Variants in LMBR1 observed in about 807,000 individuals in gnomAD.
The protein encoded by LMBR1 is limb region 1 protein homolog.
Under a neutral mutation model 73.9 loss-of-function variants are expected in LMBR1, and 52 were observed. The ratio of observed to expected loss-of-function variants is 0.70; its 90% CI spans 0.56 to 0.89. The LOEUF (loss-of-function observed/expected upper bound fraction) is 0.89, where lower values mean the gene tolerates loss of function less well. LMBR1 is among the 40% of genes least tolerant of loss of function. LMBR1 has a pLI of 0.00. For missense variants in LMBR1, 539 were observed against 579.8 expected (o/e 0.93, Z 0.72); for synonymous variants, 215 against 209.4 (o/e 1.03, Z -0.23).
At chr7:156,768,659 C>T (rs1005610629) in intron 5 of LMBR1, among the ~76,000 whole-genome samples, 1 of 152,146 alleles carries the variant, frequency 6.6e-6, no homozygotes, top group African/African-American at 2.4e-5. Flanking sequence ...AGGTATCTGC[C>T]ACTTTTTCAC....
At chr7:156,789,754 C>G (rs1307164205) in intron 5 of LMBR1, among the ~76,000 whole-genome samples, 7 of 152,194 alleles carry the variant, frequency 4.6e-5, no homozygotes, top group African/African-American at 1.2e-4. Flanking sequence ...TCTAGTAGCA[C>G]TAAATCTGAC....
chr7:156,705,897 G>GA (rs1054247139), intron 15 of LMBR1, among the ~76,000 whole-genome samples: 1 of 151,900 alleles, frequency 6.6e-6, no homozygotes, highest in Admixed American at 6.6e-5. Flanking sequence ...AGAAAACAAT[G>GA]AAAAAATATG....
At chr7:156,693,217 GA>G (rs1425024938) in intron 15 of LMBR1, among the ~76,000 whole-genome samples, 1 of 151,950 alleles carries the variant, frequency 6.6e-6, no homozygotes, top group Non-Finnish European at 1.5e-5. Context: ...CAAATATGAT[GA>G]AAATTAACCA....
At chr7:156,672,841 T>C (rs776874578), downstream of LMBR1, among the ~76,000 whole-genome samples, 8 of 152,248 alleles carry the variant, frequency 5.3e-5, no homozygotes, top group Non-Finnish European at 7.3e-5. Context: ...CCAGGAATGA[T>C]AACTAATGCT....
At chr7:156,673,474 C>T (rs1048867900), downstream of LMBR1, among the ~76,000 whole-genome samples, 3 of 151,990 alleles carry the variant, frequency 2.0e-5, no homozygotes, top group Non-Finnish European at 2.9e-5. Context: ...GAAACGTTAC[C>T]GATTCAAGAC....
intron 16 of LMBR1, among the ~76,000 whole-genome samples, chr7:156,686,729 A>C (rs1433910251): frequency 3.3e-5 from 5 of 152,248 alleles, no homozygotes; most frequent in Admixed American, 3.3e-4. Flanking sequence ...CAAAAGCTAA[A>C]GTTACGGCAG....
chr7:156,844,421 A>C (rs1839257052), intron 1 of LMBR1, among the ~76,000 whole-genome samples: 1 of 152,144 alleles, frequency 6.6e-6, no homozygotes, highest in African/African-American at 2.4e-5. Context: ...CTAGTTTCAA[A>C]AGTAGGACGA....
At chr7:156,794,438 A>AT (rs1284723802) in intron 5 of LMBR1, among the ~76,000 whole-genome samples, 3 of 152,046 alleles carry the variant, frequency 2.0e-5, no homozygotes, top group South Asian at 2.1e-4. Context: ...TGTCACTGGG[A>AT]TTTTTTGTCA....
At chr7:156,736,691 G>C in intron 9 of LMBR1, 1 of 417,268 alleles carries the variant, frequency 2.4e-6, no homozygotes, top group Non-Finnish European at 4.9e-6. Context: ...TGGCCATAAT[G>C]CTCATTTTAG....
intron 1 of LMBR1, among the ~76,000 whole-genome samples, chr7:156,846,994 GAAGA>G (rs1312583708): frequency 2.0e-5 from 3 of 152,032 alleles, no homozygotes; most frequent in African/African-American, 4.8e-5. Context: ...ATTTTAAAAA[GAAGA>G]AAGAGGACTG....
At chr7:156,725,876 A>G (rs768259585) in intron 12 of LMBR1, 39 bp from the exon 13 acceptor site, 1 of 1,487,442 alleles carries the variant, frequency 6.7e-7, no homozygotes, top group Non-Finnish European at 9.3e-7. Context: ...ATTTGATGAC[A>G]CCATTATATT....
chr7:156,763,248 GA>G, intron 6 of LMBR1, 72 bp from the exon 7 acceptor site: 1 of 645,272 alleles, frequency 1.5e-6, no homozygotes, highest in Non-Finnish European at 2.6e-6. Context: ...TCTATCTTAC[GA>G]TAAGATAGAG....
At chr7:156,803,877 G>A (rs1469135036) in intron 4 of LMBR1, among the ~76,000 whole-genome samples, 1 of 151,272 alleles carries the variant, frequency 6.6e-6, no homozygotes, top group Non-Finnish European at 1.5e-5. Context: ...ATCATTCTCA[G>A]CAAACTATCG....
intron 15 of LMBR1, among the ~76,000 whole-genome samples, chr7:156,698,437 C>T (rs1334990016): frequency 6.6e-6 from 1 of 152,240 alleles, no homozygotes; most frequent in Admixed American, 6.5e-5. Flanking sequence ...CAGAGGTTCT[C>T]CGTGAGAGCC....
intron 5 of LMBR1, among the ~76,000 whole-genome samples, chr7:156,778,280 T>C (rs1303763136): frequency 1.3e-5 from 2 of 152,224 alleles, no homozygotes; most frequent in African/African-American, 2.4e-5. Flanking sequence ...ACAATACTAA[T>C]AGAAAAGGCT....
chr7:156,814,885 G>A (rs767855276), intron 4 of LMBR1, among the ~76,000 whole-genome samples: 4 of 152,090 alleles, frequency 2.6e-5, no homozygotes, highest in African/African-American at 9.7e-5. Flanking sequence ...GGCCAAGCGC[G>A]GTGGTTCACA....
At chr7:156,698,958 T>G (rs1353626774) in intron 15 of LMBR1, among the ~76,000 whole-genome samples, 1 of 152,246 alleles carries the variant, frequency 6.6e-6, no homozygotes, top group Admixed American at 6.5e-5. Flanking sequence ...TAAAACTGAA[T>G]GCCTTAATGT....
chr7:156,873,675 C>T (rs1247699464), intron 1 of LMBR1, among the ~76,000 whole-genome samples: 6 of 152,278 alleles, frequency 3.9e-5, no homozygotes, highest in Admixed American at 6.5e-5. Context: ...TCCAAGGCCC[C>T]ACCAGAGCAG....
intron 5 of LMBR1, among the ~76,000 whole-genome samples, chr7:156,767,879 T>A (rs781715288): frequency 6.6e-6 from 1 of 151,992 alleles, no homozygotes. Flanking sequence ...AAAGTGAAAA[T>A]GATTAAAAAT....
Sources: allele counts gnomAD v4.1 joint callset (sites outside exome capture counted in the v4.1 genomes callset), GRCh38; gene constraint gnomAD v4.1.1; transcripts MANE v1.5; gene names NCBI Gene and HGNC (gene_info 2026-07-23, HGNC 2026-07-21).